The following TTC39C variants were observed in gnomAD, a reference collection of about 807,000 sequenced individuals.
TTC39C encodes the protein tetratricopeptide repeat domain 39C.
Under a neutral mutation model 76.3 loss-of-function variants are expected in TTC39C, and 33 were observed. The ratio of observed to expected loss-of-function variants is 0.43; its 90% CI spans 0.33 to 0.58. The LOEUF (loss-of-function observed/expected upper bound fraction) is 0.58. Ranked by LOEUF, TTC39C falls within the 20% of genes least tolerant of loss-of-function variation. The probability of loss-of-function intolerance (pLI) is 0.04; values close to 1 mark genes in which losing one functional copy is unlikely to be tolerated. For synonymous variants in TTC39C, 254 were observed against 260.6 expected (o/e 0.97, Z 0.24); for missense variants, 595 against 701.4 (o/e 0.85, Z 1.71).
intron 6 of TTC39C, among the ~76,000 whole-genome samples, chr18:24,100,450 TG>T (rs1480042053): frequency 6.6e-6 from 1 of 152,188 alleles, no homozygotes; most frequent in Non-Finnish European, 1.5e-5. Flanking sequence ...GGGATCCCAG[TG>T]GTATCTTGGC....
intron 1 of TTC39C, among the ~76,000 whole-genome samples, chr18:24,030,653 T>TC (rs2083657536): frequency 7.5e-6 from 1 of 133,206 alleles, no homozygotes; most frequent in African/African-American, 2.9e-5. Context: ...TAGGCCTTTT[T>TC]TTTTTTTTTT....
chr18:24,105,097 T>C (rs955642095), intron 6 of TTC39C, among the ~76,000 whole-genome samples: 1 of 150,658 alleles, frequency 6.6e-6, no homozygotes. Flanking sequence ...CTACTAAATG[T>C]TAGCATCTTT....
At chr18:24,009,526 C>T (rs752189009) in intron 1 of TTC39C, among the ~76,000 whole-genome samples, 5 of 151,990 alleles carry the variant, frequency 3.3e-5, no homozygotes, top group Non-Finnish European at 7.4e-5. Context: ...GATGGTAGAT[C>T]CAGGGAACAG....
chr18:24,116,472 A>G (rs1167172897), intron 7 of TTC39C, among the ~76,000 whole-genome samples: 1 of 152,158 alleles, frequency 6.6e-6, no homozygotes, highest in Non-Finnish European at 1.5e-5. Flanking sequence ...GCTTGAACTC[A>G]GGAGGCAGAG....
chr18:24,110,514 C>T (rs1002014954), intron 6 of TTC39C, among the ~76,000 whole-genome samples: 2 of 152,134 alleles, frequency 1.3e-5, no homozygotes, highest in Non-Finnish European at 2.9e-5. Flanking sequence ...TGAGAGAGAA[C>T]TCCTAAGAGG....
intron 1 of TTC39C, among the ~76,000 whole-genome samples, chr18:24,045,249 A>G (rs1190982584): frequency 7.0e-6 from 1 of 142,704 alleles, no homozygotes; most frequent in Non-Finnish European, 1.5e-5. Context: ...AGCCTGGGTG[A>G]CAGAGTAAGA....
chr18:24,032,624 GTTTTGACTGCA>G (rs1160420479), intron 1 of TTC39C, among the ~76,000 whole-genome samples: 16 of 152,312 alleles, frequency 1.1e-4, no homozygotes, highest in African/African-American at 3.8e-4. Flanking sequence ...ATGAAACAAA[GTTTTGACTGCA>G]TTTTGACTGT....
rs1376208413 is a variant in TTC39C, at chr18:24,117,362, A to AAT, written c.1079-762_1079-761dup. Among the ~76,000 whole-genome samples, 4 of 152,112 alleles carry AAT rather than the reference A, an allele frequency of 2.6e-5. No individual in the cohort carries two copies. In the East Asian group the frequency reaches 7.7e-4, roughly 29 times the overall value. The stretch of plus-strand genomic sequence containing the variant: ...CCAGTGTGCTGAGGGAAGGTAGGGA[A>AAT]ATGCCTAATTTCTCATTGGCTTGCT... On this transcript the variant is annotated intron_variant, in intron 7 of 13. Transcript: ENST00000317571.
chr18:24,114,065 T>C (rs1599338950), intron 6 of TTC39C: 2 of 278,710 alleles, frequency 7.2e-6, no homozygotes, highest in South Asian at 3.9e-5. Flanking sequence ...TCAGTAGCGA[T>C]TGAGAGACTT....
intron 4 of TTC39C, 32 bp from the exon 5 acceptor site, chr18:24,080,552 GT>G (rs1262160977): frequency 1.3e-6 from 2 of 1,488,452 alleles, no homozygotes; most frequent in African/African-American, 2.8e-5. Context: ...TATTTTGAAT[GT>G]TTTTGAATCT....
intron 6 of TTC39C, among the ~76,000 whole-genome samples, chr18:24,104,459 C>T (rs1168956884): frequency 3.9e-5 from 6 of 152,208 alleles, no homozygotes; most frequent in Admixed American, 2.0e-4. Context: ...ACCAGTTCCT[C>T]ACTTCCTTGA....
At chr18:23,996,812 T>C (rs2083264665) in intron 1 of TTC39C, among the ~76,000 whole-genome samples, 2 of 152,208 alleles carry the variant, frequency 1.3e-5, no homozygotes. Context: ...GATGCCTTCC[T>C]ATTAAGAAAT....
intron 6 of TTC39C, among the ~76,000 whole-genome samples, chr18:24,094,339 A>C (rs1350386505): frequency 6.6e-6 from 1 of 152,170 alleles, no homozygotes; most frequent in Non-Finnish European, 1.5e-5. Context: ...TGAACCTCTC[A>C]AAGACATCTA....
rs2085009809 is a variant in TTC39C at position 24,123,822 on chromosome 18, GGT to G, written c.1187-11_1187-10del. The G allele has an allele frequency of 6.3e-7, 1 of 1,582,614 alleles. No individual in the cohort carries two copies. The highest frequency in any genetic ancestry group is 1.4e-5 in the African/African-American group (1 of 72,796). On this transcript the variant is annotated splice_polypyrimidine_tract_variant and intron_variant, in intron 8 of 13. Transcript: ENST00000317571. ...ACTTGTACTTAAGAAATATAATTAT[GGT>G]TTCTTACAGTTTGTCAGGGAGCCAC... is the stretch of plus-strand genomic sequence containing the variant.
In TTC39C at chr18:23,995,203, CATGT is replaced by C. The variant is rs572435636; in HGVS notation, c.-17+2171_-17+2174del. 1.7e-3 allele frequency among the ~76,000 whole-genome samples: 256 copies of C among 152,236 alleles called. 1 individual carries two copies. Among genetic ancestry groups the C allele is most frequent in the African/African-American group, 5.6e-3 (234 of 41,520 alleles). On this transcript the variant is annotated intron_variant, in intron 1 of 13. Transcript: ENST00000304621. ...ATGGAATCGGCCAGGCGTGGTAGCT[CATGT>C]ATGTAATTCTAGCACTTTGGGAGGC...
intron 6 of TTC39C, among the ~76,000 whole-genome samples, chr18:24,090,891 C>T (rs1195146511): frequency 6.7e-6 from 1 of 149,198 alleles, no homozygotes; most frequent in Non-Finnish European, 1.5e-5. Flanking sequence ...ACTGCAACCT[C>T]CACCTCCCAG....
intron 8 of TTC39C, 100 bp downstream of exon 8, chr18:24,118,332 G>T (rs1014855215): frequency 2.4e-6 from 2 of 828,266 alleles, no homozygotes; most frequent in Non-Finnish European, 3.9e-6. Context: ...AGCAAAAGTT[G>T]TACCCCTCCA....
chr18:24,125,690 G>T, intron 10 of TTC39C, 140 bp downstream of exon 10: 1 of 1,107,352 alleles, frequency 9.0e-7, no homozygotes. Flanking sequence ...TTAGATAGAG[G>T]GTGTCGTGAT....
At chr18:24,100,503 G>A (rs1051170211) in intron 6 of TTC39C, among the ~76,000 whole-genome samples, 3 of 152,234 alleles carry the variant, frequency 2.0e-5, no homozygotes, top group South Asian at 4.1e-4. Flanking sequence ...CCCAGGAGGC[G>A]TGTGCAGCAC....
Sources: gnomAD v4.1 joint callset for allele counts (sites outside exome capture counted in the v4.1 genomes callset) on GRCh38, gnomAD v4.1.1 for gene constraint, MANE v1.5 for transcripts, NCBI Gene and HGNC (gene_info 2026-07-23, HGNC 2026-07-21) for gene names.